Variants in THADA observed in about 807,000 individuals in gnomAD.
THADA encodes tRNA (32-2'-O)-methyltransferase regulator THADA.
THADA carries 213 observed loss-of-function variants against 219.8 expected under a neutral mutation model. The ratio of observed to expected loss-of-function variants is 0.97; its 90% CI spans 0.87 to 1.09. The LOEUF is 1.09. Ranked by LOEUF, THADA falls within the 50% of genes least tolerant of loss-of-function variation. THADA has a pLI of 0.00. For missense variants in THADA, 2,956 were observed against 2,311.3 expected, an observed-to-expected ratio of 1.28 and a Z score of -5.72; for synonymous variants, 1,018 against 828.9, an observed-to-expected ratio of 1.23 and a Z score of -3.92.
chr2:43,545,551 G>T (rs988040081), intron 20 of THADA, among the ~76,000 whole-genome samples: 47 of 152,288 alleles, frequency 3.1e-4, no homozygotes, highest in Admixed American at 2.4e-3. Context: ...CAATTTCAGA[G>T]CCTGCTATTG....
chr2:43,266,739 C>T (rs1671569482), intron 36 of THADA, among the ~76,000 whole-genome samples: 1 of 152,102 alleles, frequency 6.6e-6, no homozygotes, highest in Non-Finnish European at 1.5e-5. Flanking sequence ...GGGTCTGACT[C>T]AAGGAGAGAC....
chr2:43,279,413 T>A (rs1171129158), intron 36 of THADA, among the ~76,000 whole-genome samples: 5 of 152,216 alleles, frequency 3.3e-5, no homozygotes, highest in African/African-American at 1.2e-4. Context: ...TAATAGAGAC[T>A]TGGCATTATT....
chr2:43,504,964 C>T (rs1226011581), intron 24 of THADA, among the ~76,000 whole-genome samples: 1 of 152,152 alleles, frequency 6.6e-6, no homozygotes, highest in Non-Finnish European at 1.5e-5. Flanking sequence ...ACAAGCAGTA[C>T]TTGATAGTTA....
intron 30 of THADA, among the ~76,000 whole-genome samples, chr2:43,341,613 C>T (rs759051940): frequency 2.6e-5 from 4 of 152,158 alleles, no homozygotes; most frequent in Non-Finnish European, 5.9e-5. Context: ...CTACGAGATG[C>T]ATGAAGGAGT....
At chr2:43,253,324 G>A (rs541386829) in intron 36 of THADA, among the ~76,000 whole-genome samples, 12 of 152,070 alleles carry the variant, frequency 7.9e-5, no homozygotes, top group South Asian at 2.1e-4. Flanking sequence ...TTTTTGCTGA[G>A]TTTGAATTGG....
Position 43,231,333 on chromosome 2 carries a change from T to C in THADA, c.5477A>G (p.Asp1826Gly), listed in dbSNP as rs1290136065. Reference sequence around the variant, plus strand: ...GACTTCTGCTTTTTCAAACAGGTAGTCTTCTTCCACCTAAATCAGATGAAA... The same window carrying C: ...GACTTCTGCTTTTTCAAACAGGTAGCCTTCTTCCACCTAAATCAGATGAAA... ...CVESMHQVEE[D>G]YLFEKAEVNF... is the part of the protein sequence containing the mutation. The change falls in exon 38 of 38, where the codon GAC becomes GGC. Residue 1826 changes from aspartate to glycine, a missense_variant. Coordinates refer to ENST00000405975, the MANE Select transcript of THADA (RefSeq NM_022065.5). 8.4e-6 allele frequency: 13 copies of C among 1,546,584 alleles called. No homozygotes were observed. The South Asian group carries it at 1.0e-4, about 12-fold the overall frequency.
chr2:43,333,475 A>G (rs1666030345), intron 30 of THADA, among the ~76,000 whole-genome samples: 1 of 152,112 alleles, frequency 6.6e-6, no homozygotes, highest in Non-Finnish European at 1.5e-5. Context: ...CCTAAAAAAA[A>G]AAAATAACTT....
chr2:43,451,414 T>C (rs185418439), intron 26 of THADA, among the ~76,000 whole-genome samples: 1 of 152,310 alleles, frequency 6.6e-6, no homozygotes, highest in East Asian at 1.9e-4. Flanking sequence ...TTCCCTACAA[T>C]ACCAATTTTA....
At chr2:43,526,139 T>C (rs1693136450) in intron 22 of THADA, among the ~76,000 whole-genome samples, 1 of 152,228 alleles carries the variant, frequency 6.6e-6, no homozygotes, top group South Asian at 2.1e-4. Flanking sequence ...ACCCTTTTCC[T>C]TAAAGATGAA....
intron 21 of THADA, among the ~76,000 whole-genome samples, chr2:43,532,153 T>C (rs1419509306): frequency 2.6e-5 from 4 of 151,972 alleles, no homozygotes; most frequent in Non-Finnish European, 5.9e-5. Flanking sequence ...GGCTCATGCC[T>C]GTAATGCCAG....
intron 28 of THADA, among the ~76,000 whole-genome samples, chr2:43,421,282 C>A (rs949560407): frequency 2.6e-5 from 4 of 152,148 alleles, no homozygotes; most frequent in African/African-American, 9.7e-5. Flanking sequence ...GATAGCAGAA[C>A]CCTTTTTTCA....
chr2:43,469,301 G>A (rs921774442), intron 26 of THADA, among the ~76,000 whole-genome samples: 6 of 152,306 alleles, frequency 3.9e-5, no homozygotes, highest in Admixed American at 2.0e-4. Flanking sequence ...AAGTTAGCCA[G>A]CAGGGGCTTA....
intron 31 of THADA, among the ~76,000 whole-genome samples, chr2:43,319,149 T>C (rs1221133287): frequency 6.6e-6 from 1 of 152,222 alleles, no homozygotes; most frequent in Non-Finnish European, 1.5e-5. Context: ...CTTGGTAACA[T>C]TGGATTCATA....
chr2:43,254,528 C>T (rs111998001), intron 36 of THADA, among the ~76,000 whole-genome samples: 2 of 152,156 alleles, frequency 1.3e-5, no homozygotes, highest in African/African-American at 4.8e-5. Context: ...TTCATCTCAC[C>T]CCACCCTACT....
chr2:43,520,810 C>T (rs912048633), intron 22 of THADA, among the ~76,000 whole-genome samples: 5 of 151,704 alleles, frequency 3.3e-5, no homozygotes, highest in African/African-American at 1.2e-4. Flanking sequence ...AAAAATGTAT[C>T]CAGCTTCCCT....
intron 35 of THADA, among the ~76,000 whole-genome samples, chr2:43,280,609 C>T (rs1673227600): frequency 6.6e-6 from 1 of 151,852 alleles, no homozygotes; most frequent in African/African-American, 2.4e-5. Flanking sequence ...TCTAGCCTGG[C>T]GACAGAGTGA....
intron 31 of THADA, among the ~76,000 whole-genome samples, chr2:43,294,844 G>GA (rs35267248): frequency 0.18 from 27,246 of 150,620 alleles, 2,591 homozygotes; most frequent in South Asian, 0.27. Flanking sequence ...AAAAAAGAAA[G>GA]AAAAAAAAAC....
intron 31 of THADA, among the ~76,000 whole-genome samples, chr2:43,297,380 C>T (rs1202062835): frequency 1.0e-5 from 1 of 97,958 alleles, no homozygotes; most frequent in East Asian, 2.4e-4. Context: ...CCTCTCTGCC[C>T]GGCAGCCACC....
chr2:43,443,463 C>T (rs923838554), intron 26 of THADA, among the ~76,000 whole-genome samples: 15 of 152,202 alleles, frequency 9.9e-5, no homozygotes, highest in African/African-American at 3.4e-4. Flanking sequence ...TCTAGTTCAC[C>T]GAAACAAGCA....
Sources: allele counts gnomAD v4.1 joint callset (sites outside exome capture counted in the v4.1 genomes callset), GRCh38; gene constraint gnomAD v4.1.1; transcripts MANE v1.5; gene names NCBI Gene and HGNC (gene_info 2026-07-23, HGNC 2026-07-21).